Variants in PBX3 observed in about 807,000 individuals in gnomAD.
The protein encoded by PBX3 is PBX homeobox 3.
In PBX3, 14 loss-of-function variants were observed where a neutral mutation model predicts 48.5. The ratio of observed to expected loss-of-function variants is 0.29; its 90% CI spans 0.19 to 0.45. PBX3 has a LOEUF of 0.45. PBX3 is among the 20% of genes least tolerant of loss of function. PBX3 has a pLI of 1.00. For missense variants in PBX3, 386 were observed against 546.7 expected (o/e 0.71, Z 2.93); for synonymous variants, 210 against 200.3 (o/e 1.05, Z -0.41).
intron 2 of PBX3, among the ~76,000 whole-genome samples, chr9:125,842,012 A>G (rs1006083692): frequency 1.4e-5 from 2 of 146,436 alleles, no homozygotes; most frequent in African/African-American, 4.9e-5. Flanking sequence ...TGAGACATTT[A>G]TAATTCAGAA....
intron 2 of PBX3, among the ~76,000 whole-genome samples, chr9:125,829,160 T>C (rs374414961): frequency 6.6e-6 from 1 of 152,222 alleles, no homozygotes; most frequent in African/African-American, 2.4e-5. Flanking sequence ...AGACGATTCG[T>C]TGCATGATTG....
At chr9:125,836,649 A>C (rs1030572318) in intron 2 of PBX3, among the ~76,000 whole-genome samples, 1 of 152,190 alleles carries the variant, frequency 6.6e-6, no homozygotes, top group Non-Finnish European at 1.5e-5. Context: ...AAGTAGCTAT[A>C]AGAGTGACAT....
chr9:125,795,967 CTAAG>C (rs1837765923), intron 2 of PBX3, among the ~76,000 whole-genome samples: 1 of 152,134 alleles, frequency 6.6e-6, no homozygotes, highest in African/African-American at 2.4e-5. Context: ...GTGTAAGAGA[CTAAG>C]AGTCCTCTTG....
At chr9:125,924,986 C>G (rs945401513) in intron 3 of PBX3, among the ~76,000 whole-genome samples, 3 of 152,178 alleles carry the variant, frequency 2.0e-5, no homozygotes, top group African/African-American at 4.8e-5. Flanking sequence ...CTGCTCATTA[C>G]TTAACCATAA....
intron 2 of PBX3, among the ~76,000 whole-genome samples, chr9:125,815,135 G>C (rs1838419878): frequency 6.6e-6 from 1 of 152,130 alleles, no homozygotes; most frequent in South Asian, 2.1e-4. Flanking sequence ...TAAGTAGTCA[G>C]ATTTTCTGTC....
chr9:125,909,273 T>A (rs531261467), intron 2 of PBX3, among the ~76,000 whole-genome samples: 1 of 152,140 alleles, frequency 6.6e-6, no homozygotes, highest in Non-Finnish European at 1.5e-5. Flanking sequence ...AACAGTACTT[T>A]CAGATTTTTC....
chr9:125,818,961 G>A (rs1280393170), intron 2 of PBX3, among the ~76,000 whole-genome samples: 2 of 151,784 alleles, frequency 1.3e-5, no homozygotes, highest in East Asian at 2.0e-4. Context: ...TCAACCTCCC[G>A]AGTAGCTGGG....
intron 2 of PBX3, among the ~76,000 whole-genome samples, chr9:125,815,229 C>T (rs4304423): frequency 0.059 from 9,008 of 152,222 alleles, 612 homozygotes; most frequent in East Asian, 0.17. Flanking sequence ...TATAAAAGTA[C>T]TCTCCTTGCA....
intron 2 of PBX3, among the ~76,000 whole-genome samples, chr9:125,751,634 A>T (rs936953556): frequency 6.6e-6 from 1 of 152,156 alleles, no homozygotes; most frequent in African/African-American, 2.4e-5. Flanking sequence ...TTGAATTGTG[A>T]TATTTGTGCA....
At chr9:125,955,277 C>G (rs996928162) in intron 5 of PBX3, among the ~76,000 whole-genome samples, 1 of 152,110 alleles carries the variant, frequency 6.6e-6, no homozygotes, top group Admixed American at 6.5e-5. Flanking sequence ...GAGCTTCTCC[C>G]GCTTCCTCTT....
chr9:125,798,485 C>T (rs10986928), intron 2 of PBX3, among the ~76,000 whole-genome samples: 3,060 of 144,514 alleles, frequency 0.021, 172 homozygotes, highest in East Asian at 0.18. Context: ...CTCTTATCCC[C>T]ACCTCCCATT....
chr9:125,832,442 G>A (rs926729009), intron 2 of PBX3, among the ~76,000 whole-genome samples: 11 of 152,114 alleles, frequency 7.2e-5, no homozygotes, highest in Non-Finnish European at 1.5e-4. Flanking sequence ...TGATCCACCC[G>A]CCTCGGCCTC....
intron 1 of PBX3, 58 bp from the exon 2 acceptor site, chr9:125,748,492 C>A (rs1242087303): frequency 6.3e-7 from 1 of 1,581,816 alleles, no homozygotes; most frequent in Non-Finnish European, 8.7e-7. Flanking sequence ...TAAAGGAAGG[C>A]GCCATATTAT....
chr9:125,906,275 A>T (rs552812443), intron 2 of PBX3, among the ~76,000 whole-genome samples: 1 of 152,016 alleles, frequency 6.6e-6, no homozygotes, highest in Non-Finnish European at 1.5e-5. Context: ...GTGCTGTTAC[A>T]TTGGAATGTA....
intron 2 of PBX3, among the ~76,000 whole-genome samples, chr9:125,892,145 A>G (rs1840661461): frequency 1.3e-5 from 2 of 151,630 alleles, no homozygotes; most frequent in Non-Finnish European, 2.9e-5. Context: ...CTGATCTCCA[A>G]CTCCTGACTT....
intron 2 of PBX3, among the ~76,000 whole-genome samples, chr9:125,808,091 C>G (rs1260709842): frequency 1.3e-5 from 2 of 152,136 alleles, no homozygotes; most frequent in African/African-American, 4.8e-5. Context: ...TCTAGACCTT[C>G]AAGACAAACT....
chr9:125,951,931 G>A (rs1423171574), intron 5 of PBX3, among the ~76,000 whole-genome samples: 6 of 152,206 alleles, frequency 3.9e-5, no homozygotes, highest in African/African-American at 1.4e-4. Flanking sequence ...GAAGACTGGT[G>A]TGAAATTTAG....
At chr9:125,874,090 CATCTT>C (rs1840191091) in intron 2 of PBX3, among the ~76,000 whole-genome samples, 1 of 152,140 alleles carries the variant, frequency 6.6e-6, no homozygotes, top group African/African-American at 2.4e-5. Context: ...ATACATTTGA[CATCTT>C]AGGTGAAATG....
intron 2 of PBX3, among the ~76,000 whole-genome samples, chr9:125,799,896 T>C (rs1226351697): frequency 1.3e-5 from 2 of 152,198 alleles, no homozygotes; most frequent in South Asian, 4.1e-4. Flanking sequence ...TTTGGCACTT[T>C]ATTTTCCAGG....
Sources: gnomAD v4.1 joint callset for allele counts (sites outside exome capture counted in the v4.1 genomes callset) on GRCh38, gnomAD v4.1.1 for gene constraint, MANE v1.5 for transcripts, NCBI Gene and HGNC (gene_info 2026-07-23, HGNC 2026-07-21) for gene names.